The following PTPRD variants were observed in gnomAD, a reference collection of about 807,000 sequenced individuals.
The protein encoded by PTPRD is protein tyrosine phosphatase receptor type D, also known as receptor-type tyrosine-protein phosphatase delta.
PTPRD carries 34 observed loss-of-function variants against 214.5 expected under a neutral mutation model. The observed-to-expected ratio is 0.16, with a 90% confidence interval of 0.12 to 0.21. The LOEUF (loss-of-function observed/expected upper bound fraction) is 0.21, where lower values mean the gene tolerates loss of function less well. Ranked by LOEUF, PTPRD falls within the 10% of genes least tolerant of loss-of-function variation. The pLI is 1.00. For missense variants in PTPRD, 2,545 were observed against 2,398.7 expected (o/e 1.06, Z -1.27); for synonymous variants, 1,128 against 845.7 (o/e 1.33, Z -5.79).
At chr9:8,753,267 T>C (rs1419615882) in intron 11 of PTPRD, among the ~76,000 whole-genome samples, 1 of 152,204 alleles carries the variant, frequency 6.6e-6, no homozygotes. Flanking sequence ...CCATGAAGCA[T>C]GATGTTCCTT....
chr9:8,693,190 C>T lies in PTPRD; in HGVS notation c.64+40590G>A, dbSNP rs559747821. Among the ~76,000 whole-genome samples the T allele has an allele frequency of 7.9e-5, 12 of 152,272 alleles. No individual in the cohort carries two copies. The South Asian group carries it at 2.5e-3, about 32-fold the overall frequency. On this transcript the variant is annotated intron_variant, in intron 12 of 45. Transcript: ENST00000381196. ...TTTTTTCCACTGTCTCTCAGTCCACCACCACAACTCCCACCTATACTTTTC... is the reference window on the plus strand; with the variant it reads ...TTTTTTCCACTGTCTCTCAGTCCACTACCACAACTCCCACCTATACTTTTC...
intron 10 of PTPRD, among the ~76,000 whole-genome samples, chr9:9,024,334 C>CTTAG (rs1169168298): frequency 0.01 from 761 of 72,494 alleles, 15 homozygotes; most frequent in African/African-American, 0.03. Context: ...ATTGTCGATT[C>CTTAG]TTTGTTTTTT....
chr9:8,638,819 A>G (rs1451043406), intron 12 of PTPRD, among the ~76,000 whole-genome samples: 1 of 152,108 alleles, frequency 6.6e-6, no homozygotes, highest in Non-Finnish European at 1.5e-5. Context: ...GAAGTACTTA[A>G]AATAATTTTA....
chr9:10,603,418 T>C (rs1354595424), intron 2 of PTPRD, among the ~76,000 whole-genome samples: 1 of 151,894 alleles, frequency 6.6e-6, no homozygotes, highest in Non-Finnish European at 1.5e-5. Context: ...GCTCACTTCA[T>C]TTGAAAGAAT....
intron 12 of PTPRD, among the ~76,000 whole-genome samples, chr9:8,645,163 G>A (rs1266759725): frequency 2.6e-5 from 4 of 152,166 alleles, no homozygotes; most frequent in African/African-American, 7.2e-5. Context: ...CCATACTACA[G>A]CAATTATTTT....
chr9:9,357,522 TC>T (rs1273666007), intron 9 of PTPRD, among the ~76,000 whole-genome samples: 3 of 151,046 alleles, frequency 2.0e-5, no homozygotes, highest in South Asian at 4.2e-4. Context: ...ATATATAAGG[TC>T]CCTTTGCAGC....
chr9:8,528,553 T>A (rs1242020306), intron 15 of PTPRD, 38 bp downstream of exon 15: 2 of 1,528,118 alleles, frequency 1.3e-6, no homozygotes, highest in African/African-American at 1.4e-5. Context: ...AAAAAAAAAA[T>A]TCTCTAGGAG....
rs1013765242 is a variant in PTPRD, at chr9:8,822,759, C to T, written c.-103-88813G>A. On this transcript the variant is annotated intron_variant, in intron 11 of 45. Transcript: ENST00000381196. ...AGATTAAGCAATTTGCCCAAGGTCC[C>T]GCAGCTGACAATGGAACAGAACTGG... Among the ~76,000 whole-genome samples the T allele has an allele frequency of 2.0e-5, 3 of 152,180 alleles. No homozygotes were observed. The East Asian group carries it at 5.8e-4, about 29-fold the overall frequency.
chr9:8,737,805 C>A (rs1049922346), intron 11 of PTPRD, among the ~76,000 whole-genome samples: 1 of 152,112 alleles, frequency 6.6e-6, no homozygotes, highest in Non-Finnish European at 1.5e-5. Context: ...TGTGCGCCAC[C>A]ACGCCTGGCT....
intron 10 of PTPRD, among the ~76,000 whole-genome samples, chr9:9,132,435 A>G (rs1046312318): frequency 1.3e-5 from 2 of 152,214 alleles, no homozygotes; most frequent in Non-Finnish European, 2.9e-5. Context: ...AATAATTTAT[A>G]CAACATTTTA....
At chr9:8,399,998 T>C (rs10977046) in intron 36 of PTPRD, among the ~76,000 whole-genome samples, 21,963 of 152,058 alleles carry the variant, frequency 0.14, 1,858 homozygotes, top group Non-Finnish European at 0.19. Context: ...ATGTAATAGA[T>C]AACCAGATAA....
At chr9:9,589,122 T>C (rs585685) in intron 7 of PTPRD, among the ~76,000 whole-genome samples, 1 of 151,948 alleles carries the variant, frequency 6.6e-6, no homozygotes, top group Non-Finnish European at 1.5e-5. Flanking sequence ...TGGAGAAATA[T>C]TTGTTTCTAA....
intron 2 of PTPRD, among the ~76,000 whole-genome samples, chr9:10,433,324 T>C (rs1255407028): frequency 2.6e-5 from 4 of 151,974 alleles, no homozygotes; most frequent in Admixed American, 1.3e-4. Flanking sequence ...CTACTGGACA[T>C]AAATGTCTTC....
At chr9:9,135,474 G>T (rs1414923865) in intron 10 of PTPRD, among the ~76,000 whole-genome samples, 1 of 152,134 alleles carries the variant, frequency 6.6e-6, no homozygotes. Context: ...CTGCCACCAG[G>T]ACTTCTTCAC....
chr9:9,497,204 A>T (rs2096232943), intron 8 of PTPRD, among the ~76,000 whole-genome samples: 1 of 152,210 alleles, frequency 6.6e-6, no homozygotes, highest in Non-Finnish European at 1.5e-5. Flanking sequence ...GAATATATTT[A>T]GTGCCACTGA....
chr9:9,356,417 A>C (rs963029765), intron 9 of PTPRD, among the ~76,000 whole-genome samples: 22 of 151,352 alleles, frequency 1.5e-4, no homozygotes, highest in African/African-American at 4.8e-4. Flanking sequence ...ATGACCCATC[A>C]CAGTCTATTG....
chr9:8,961,073 T>A (rs893609099), intron 11 of PTPRD, among the ~76,000 whole-genome samples: 2 of 152,056 alleles, frequency 1.3e-5, no homozygotes, highest in Non-Finnish European at 1.5e-5. Context: ...TATAATATAA[T>A]GAAATACCAG....
chr9:9,993,234 C>G (rs560321747), intron 4 of PTPRD, among the ~76,000 whole-genome samples: 1 of 152,258 alleles, frequency 6.6e-6, no homozygotes, highest in African/African-American at 2.4e-5. Context: ...TTGGCTATAT[C>G]TACTAAATAT....
rs575534156 is a variant in PTPRD, at chr9:9,831,510, T to A, written c.-367-64659A>T. ...TCTCCCTTAACTGACAAGTACCCTTTTATAACTTGTCTGATAGGGTTGCTC... is the reference window on the plus strand; with the variant it reads ...TCTCCCTTAACTGACAAGTACCCTTATATAACTTGTCTGATAGGGTTGCTC... On this transcript the variant is annotated intron_variant, in intron 5 of 45. Coordinates refer to ENST00000381196, the MANE Select transcript of PTPRD (RefSeq NM_002839.4). 6.6e-5 allele frequency among the ~76,000 whole-genome samples: 10 copies of A among 152,042 alleles called. No homozygotes were observed. The South Asian group carries it at 1.9e-3, about 28-fold the overall frequency.
Sources: gnomAD v4.1 joint callset for allele counts (sites outside exome capture counted in the v4.1 genomes callset) on GRCh38, gnomAD v4.1.1 for gene constraint, MANE v1.5 for transcripts, NCBI Gene and HGNC (gene_info 2026-07-23, HGNC 2026-07-21) for gene names.